Variants in CCNI observed in about 807,000 individuals in gnomAD.
The protein encoded by CCNI is cyclin-I.
In CCNI, 14 loss-of-function variants were observed where a neutral mutation model predicts 34.1. The observed-to-expected ratio is 0.41, with a 90% confidence interval of 0.27 to 0.64. The LOEUF (loss-of-function observed/expected upper bound fraction) is 0.64. Among genes scored for constraint, CCNI ranks in the 30% least tolerant of loss-of-function variants. The pLI is 0.31. For synonymous variants in CCNI, 154 were observed against 158.4 expected, an observed-to-expected ratio of 0.97 and a Z score of 0.21; for missense variants, 385 against 440.5, an observed-to-expected ratio of 0.87 and a Z score of 1.13.
intron 2 of CCNI, among the ~76,000 whole-genome samples, chr4:77,061,692 G>C (rs999790639): frequency 3.3e-5 from 5 of 151,802 alleles, no homozygotes; most frequent in Non-Finnish European, 5.9e-5. Flanking sequence ...TTGTTTTTGA[G>C]ACAGTCTTGC....
intron 1 of CCNI, among the ~76,000 whole-genome samples, chr4:77,073,395 T>A (rs1002206252): frequency 6.6e-6 from 1 of 152,214 alleles, no homozygotes; most frequent in African/African-American, 2.4e-5. Flanking sequence ...GTATACAATA[T>A]AAACAACTTC....
Position 77,075,633 on chromosome 4 carries a change from G to C in CCNI, c.-205C>G, listed in dbSNP as rs1191059905. On this transcript the variant is annotated 5_prime_UTR_variant, in exon 1 of 7. Coordinates refer to ENST00000237654, the MANE Select transcript of CCNI (RefSeq NM_006835.3). The stretch of plus-strand genomic sequence containing the variant: ...CCAACTGAGGAGGGAGAAAGGGGAA[G>C]CGGATCGGGGGGCGCGGGCGCGGGC... 7.5e-6 allele frequency: 7 copies of C among 927,966 alleles called. No individual in the cohort carries two copies. The East Asian group carries it at 5.9e-4, about 78-fold the overall frequency. The allele number at this position is 927,966 out of a possible 1,614,324, so 57.5% of individuals were successfully genotyped here. A position where few individuals can be genotyped will look rare whatever the true frequency, so the allele number is the denominator to read the frequency against.
rs1000299061 is a variant in CCNI at position 77,075,478 on chromosome 4, C to CTCCTCT, written c.-56_-51dup. On this transcript the variant is annotated 5_prime_UTR_variant, in exon 1 of 7. Coordinates refer to ENST00000237654, the MANE Select transcript of CCNI (RefSeq NM_006835.3). Reference sequence around the variant, plus strand: ...CCCCGCCCCCGCCCCTCACCTTCTCCTCCTCTTCCTCCTCCTCCTCCTCCC... The same window carrying CTCCTCT: ...CCCCGCCCCCGCCCCTCACCTTCTCCTCCTCTTCCTCTTCCTCCTCCTCCTCCTCCC... 10 of 972,466 alleles carry CTCCTCT rather than the reference C, an allele frequency of 1.0e-5. No individual in the cohort carries two copies. In the Admixed American group the frequency reaches 3.7e-4, roughly 36 times the overall value. The allele number at this position is 972,466 out of a possible 1,614,324, so 60.2% of individuals were successfully genotyped here. A position where few individuals can be genotyped will look rare whatever the true frequency, so the allele number is the denominator to read the frequency against.
chr4:77,055,808 A>G (rs1192565946), intron 5 of CCNI, among the ~76,000 whole-genome samples, 154 bp downstream of exon 5: 1 of 152,186 alleles, frequency 6.6e-6, no homozygotes, highest in East Asian at 1.9e-4. Flanking sequence ...AGCTTCAGTG[A>G]TATGACATAT....
At chr4:77,074,008 T>C (rs981061701) in intron 1 of CCNI, among the ~76,000 whole-genome samples, 2 of 151,656 alleles carry the variant, frequency 1.3e-5, no homozygotes, top group African/African-American at 2.4e-5. Flanking sequence ...TTTTTCTAGT[T>C]TTTTATTTTT....
intron 6 of CCNI, among the ~76,000 whole-genome samples, chr4:77,052,989 A>G (rs945649757): frequency 3.2e-4 from 49 of 152,320 alleles, no homozygotes; most frequent in African/African-American, 1.1e-3. Context: ...ATATCTCTTA[A>G]AAAGAAAAAA....
intron 4 of CCNI, 53 bp from the exon 5 acceptor site, chr4:77,056,155 T>G (rs1728212600): frequency 6.2e-7 from 1 of 1,601,580 alleles, no homozygotes; most frequent in Middle Eastern, 1.7e-4. Context: ...GAAAAGAAAC[T>G]CATTTATGAT....
At chr4:77,054,964 T>C (rs910866977) in intron 6 of CCNI, among the ~76,000 whole-genome samples, 186 bp downstream of exon 6, 3 of 152,204 alleles carry the variant, frequency 2.0e-5, no homozygotes, top group African/African-American at 7.2e-5. Context: ...AAAAATACTA[T>C]ATAAGTTTTA....
intron 2 of CCNI, 66 bp from the exon 3 acceptor site, chr4:77,058,701 T>C: frequency 7.1e-7 from 1 of 1,412,596 alleles, no homozygotes; most frequent in Non-Finnish European, 9.8e-7. Context: ...ATGTTTAGAA[T>C]TCTCTCTCAT....
chr4:77,055,536 C>T (rs1008472848), intron 5 of CCNI, among the ~76,000 whole-genome samples, 156 bp from the exon 6 acceptor site: 5 of 150,348 alleles, frequency 3.3e-5, no homozygotes, highest in Admixed American at 6.7e-5. Flanking sequence ...GATCTCAACT[C>T]ACTGCAACAT....
intron 1 of CCNI, among the ~76,000 whole-genome samples, chr4:77,073,730 G>A (rs1261405375): frequency 6.6e-6 from 1 of 152,172 alleles, no homozygotes; most frequent in Non-Finnish European, 1.5e-5. Flanking sequence ...TTGTGCAGTT[G>A]TGCCCTGCCT....
intron 2 of CCNI, among the ~76,000 whole-genome samples, chr4:77,060,331 C>T (rs1728520132): frequency 6.6e-6 from 1 of 152,178 alleles, no homozygotes; most frequent in South Asian, 2.1e-4. Flanking sequence ...TCCTTTCCCA[C>T]CTCTAAACTA....
rs780910803 is a variant in CCNI, at chr4:77,048,186, T to C, written c.*33A>G. On this transcript the variant is annotated 3_prime_UTR_variant, in exon 7 of 7. Coordinates refer to ENST00000237654, the MANE Select transcript of CCNI (RefSeq NM_006835.3). Reference sequence around the variant, plus strand: ...GTTCTCATTCCCAAAGTAGTCTACCTTAGTTTACACTCAAAGGTAGCACTT... The same window carrying C: ...GTTCTCATTCCCAAAGTAGTCTACCCTAGTTTACACTCAAAGGTAGCACTT... The C allele has an allele frequency of 6.4e-7, 1 of 1,557,592 alleles. No individual in the cohort carries two copies. The highest frequency in any genetic ancestry group is 1.7e-5 in the Admixed American group (1 of 58,514).
chr4:77,072,638 T>TAAAAAAAAAAAAAAA (rs61247567), intron 1 of CCNI, among the ~76,000 whole-genome samples: 8 of 101,388 alleles, frequency 7.9e-5, no homozygotes, highest in African/African-American at 2.0e-4. Context: ...CCCAATCTCT[T>TAAAAAAAAAAAAAAA]AAAAAAAAAA....
At position 77,055,383 on chromosome 4, in the gene CCNI, G is replaced by C. The variant is rs1560772568; in HGVS notation, c.460-3C>G. ...GTTGACACTGCAATGGCATGGAACT[G>C]AAAATCACAAGAACATCATTTTAAC... is the stretch of plus-strand genomic sequence containing the variant. On this transcript the variant is annotated splice_polypyrimidine_tract_variant and splice_region_variant and intron_variant, in intron 5 of 6. Coordinates refer to ENST00000237654, the MANE Select transcript of CCNI (RefSeq NM_006835.3). 1.3e-6 allele frequency: 2 copies of C among 1,583,354 alleles called. No individual in the cohort carries two copies. Among genetic ancestry groups the C allele is most frequent in the South Asian group, 1.1e-5 (1 of 90,148 alleles).
intron 2 of CCNI, among the ~76,000 whole-genome samples, chr4:77,063,040 G>A (rs1728725017): frequency 6.6e-6 from 1 of 152,102 alleles, no homozygotes. Context: ...CAAATCACCA[G>A]AAAATTATAA....
chr4:77,051,616 T>G (rs1290423443), intron 6 of CCNI, among the ~76,000 whole-genome samples: 1 of 152,202 alleles, frequency 6.6e-6, no homozygotes, highest in East Asian at 1.9e-4. Flanking sequence ...TCTAATCTAG[T>G]ACAATCTGAA....
At chr4:77,051,943 T>G (rs1427665233) in intron 6 of CCNI, among the ~76,000 whole-genome samples, 1 of 147,940 alleles carries the variant, frequency 6.8e-6, no homozygotes, top group African/African-American at 2.5e-5. Flanking sequence ...TGGGGAGGGG[T>G]CTGTTTTTTT....
chr4:77,063,486 G>A (rs549047624), intron 2 of CCNI, among the ~76,000 whole-genome samples: 459 of 151,740 alleles, frequency 3.0e-3, no homozygotes, highest in African/African-American at 0.011. Context: ...TCAGGAGATC[G>A]AGACCATCCT....
Sources: allele counts gnomAD v4.1 joint callset (sites outside exome capture counted in the v4.1 genomes callset), GRCh38; gene constraint gnomAD v4.1.1; transcripts MANE v1.5; gene names NCBI Gene and HGNC (gene_info 2026-07-23, HGNC 2026-07-21).